The following FRAS1 variants were observed in gnomAD, a reference collection of about 807,000 sequenced individuals.
FRAS1 encodes Fraser extracellular matrix complex subunit 1, also known as extracellular matrix organizing protein FRAS1.
Under a neutral mutation model 435.2 loss-of-function variants are expected in FRAS1, and 290 were observed. That is an observed-to-expected ratio of 0.67 (90% CI 0.61 to 0.73). The LOEUF (loss-of-function observed/expected upper bound fraction) is 0.73, where lower values mean the gene tolerates loss of function less well. FRAS1 is among the 30% of genes least tolerant of loss of function. FRAS1 has a pLI of 0.00. For missense variants in FRAS1, 4,860 were observed against 5,001.5 expected (o/e 0.97, Z 0.85); for synonymous variants, 1,800 against 1,851.0 (o/e 0.97, Z 0.71).
rs775646884 is a variant in FRAS1, at chr4:78,315,755, A to G, written c.1819+21A>G. The G allele has an allele frequency of 6.8e-6, 11 of 1,613,262 alleles. No homozygotes were observed. In the East Asian group the frequency reaches 1.3e-4, roughly 20 times the overall value. On this transcript the variant is annotated intron_variant, in intron 16 of 73. Coordinates refer to ENST00000512123, the MANE Select transcript of FRAS1 (RefSeq NM_025074.7). ...CAAAGGTAAGAGATGGGTCACCATC[A>G]TCATCATCAAAAAGTATTGAGTACA...
rs1193037881 is a variant in FRAS1 at position 78,380,050 on chromosome 4, C to G, written c.3563+54C>G. ...TGCCTCCTTTCCATCATTGCTTTTC[C>G]ACTCCTCCACCCTGTCCCAGCCTCT... On this transcript the variant is annotated intron_variant, in intron 27 of 73. Coordinates refer to ENST00000512123, the MANE Select transcript of FRAS1 (RefSeq NM_025074.7). The G allele has an allele frequency of 3.8e-6, 6 of 1,579,982 alleles. No homozygotes were observed. In the East Asian group the frequency reaches 1.3e-4, roughly 35 times the overall value.
Position 78,128,634 on chromosome 4 carries a change from A to T in FRAS1, c.108+62618A>T, listed in dbSNP as rs902900753. 2.1e-3 allele frequency among the ~76,000 whole-genome samples: 320 copies of T among 152,070 alleles called. 4 individuals carry two copies. The highest frequency in any genetic ancestry group is 6.6e-4 in the Non-Finnish European group (45 of 67,970). On this transcript the variant is annotated intron_variant, in intron 2 of 73. Coordinates refer to ENST00000512123, the MANE Select transcript of FRAS1 (RefSeq NM_025074.7). ...TTTTCTTGTAAATTTGTTTGAGTTCATTGTAGATTCTGGATATTAGCCCTT... is the reference window on the plus strand; with the variant it reads ...TTTTCTTGTAAATTTGTTTGAGTTCTTTGTAGATTCTGGATATTAGCCCTT...
chr4:78,331,937 C>A (rs988825507), intron 18 of FRAS1, among the ~76,000 whole-genome samples: 5 of 152,120 alleles, frequency 3.3e-5, no homozygotes, highest in Non-Finnish European at 7.3e-5. Context: ...AGGGGCACCT[C>A]ATAGCATAAA....
intron 26 of FRAS1, among the ~76,000 whole-genome samples, chr4:78,377,839 A>AATGTAATGCTATAAAC (rs1731837804): frequency 5.9e-5 from 9 of 152,130 alleles, no homozygotes; most frequent in African/African-American, 2.2e-4. Context: ...ACCCAAGAAC[A>AATGTAATGCTATAAAC]TCCAAGTCAG....
intron 50 of FRAS1, among the ~76,000 whole-genome samples, chr4:78,466,879 AG>A (rs1274050730): frequency 6.6e-6 from 1 of 152,134 alleles, no homozygotes; most frequent in Non-Finnish European, 1.5e-5. Context: ...GAGAAATAGC[AG>A]TGGATAAGAG....
intron 49 of FRAS1, among the ~76,000 whole-genome samples, chr4:78,465,693 G>A (rs534085427): frequency 1.5e-5 from 2 of 133,884 alleles, no homozygotes; most frequent in South Asian, 4.7e-4. Flanking sequence ...GTCACAGAGG[G>A]CCATGCTGGC....
At position 78,413,061 on chromosome 4, in the gene FRAS1, T is replaced by C. The variant is rs1211445191; in HGVS notation, c.4401T>C (p.Ser1467=). The change falls in exon 32 of 74, where the codon TCT becomes TCC. Residue 1467 remains serine (S), a synonymous_variant. Coordinates refer to ENST00000512123, the MANE Select transcript of FRAS1 (RefSeq NM_025074.7). ...AGACACCTGAAGCACCTAAAGTGTC[T>C]CTGGAAGCATCTCTCCATATGACTG... ...LPQTPEAPKV[S]LEASLHMTAR... 2 of 1,608,334 alleles carry C rather than the reference T, an allele frequency of 1.2e-6. No homozygotes were observed. Among genetic ancestry groups the C allele is most frequent in the African/African-American group, 2.7e-5 (2 of 74,762 alleles).
At position 78,514,143 on chromosome 4, in the gene FRAS1, G is replaced by C. The variant is rs553096104; in HGVS notation, c.10174+591G>C. The stretch of plus-strand genomic sequence containing the variant: ...AAAAAGCCATCTCGGCCATGGCAGG[G>C]AGCTCTGGAGAGACTTGTCCTACTT... On this transcript the variant is annotated intron_variant, in intron 65 of 73. Coordinates refer to ENST00000512123, the MANE Select transcript of FRAS1 (RefSeq NM_025074.7). 8.6e-4 allele frequency among the ~76,000 whole-genome samples: 131 copies of C among 152,338 alleles called. 1 individual carries two copies. In the Middle Eastern group the frequency reaches 0.024, roughly 28 times the overall value.
Position 78,387,572 on chromosome 4 carries a change from T to A in FRAS1, c.3846T>A (p.Asp1282Glu). 6.2e-7 allele frequency: 1 copy of A among 1,613,826 alleles called. No homozygotes were observed. Among genetic ancestry groups the A allele is most frequent in the Non-Finnish European group, 8.5e-7 (1 of 1,179,814 alleles). ...PATPIYQFQL[D>E]ELSRGLLHYA... is the part of the protein sequence containing the mutation. Reference sequence around the variant, plus strand: ...CCCCTATCTATCAATTCCAGCTGGATGAACTCTCTAGAGGCCTTCTCCACT... The same window carrying A: ...CCCCTATCTATCAATTCCAGCTGGAAGAACTCTCTAGAGGCCTTCTCCACT... Residue 1282 changes from aspartate (D) to glutamate (E), a missense_variant, in exon 29 of 74, where the codon GAT becomes GAA. Transcript: ENST00000512123.
At chr4:78,119,155 A>G (rs1718864769) in intron 2 of FRAS1, among the ~76,000 whole-genome samples, 1 of 152,192 alleles carries the variant, frequency 6.6e-6, no homozygotes, top group South Asian at 2.1e-4. Context: ...TAGAATATCC[A>G]TCATCTTAAA....
chr4:78,226,693 A>T (rs1164951532), intron 2 of FRAS1, among the ~76,000 whole-genome samples: 1 of 152,072 alleles, frequency 6.6e-6, no homozygotes, highest in Non-Finnish European at 1.5e-5. Flanking sequence ...ATCAATATTC[A>T]TAGCAATTCT....
At position 78,184,593 on chromosome 4, in the gene FRAS1, T is replaced by C. The variant is rs79667553; in HGVS notation, c.109-52917T>C. On this transcript the variant is annotated intron_variant, in intron 2 of 73. Transcript: ENST00000512123. ...CTAAATTCTGACTAGTCCACATCTA[T>C]AGGACAGGCAGCCAGGAAGATTGTG... Among the ~76,000 whole-genome samples the C allele has an allele frequency of 1.0e-2, 1,518 of 152,258 alleles. 14 individuals are homozygous for C. The highest frequency in any genetic ancestry group is 0.014 in the Non-Finnish European group (975 of 68,016).
At chr4:78,132,313 G>C (rs1243511195) in intron 2 of FRAS1, among the ~76,000 whole-genome samples, 1 of 152,128 alleles carries the variant, frequency 6.6e-6, no homozygotes, top group East Asian at 1.9e-4. Flanking sequence ...CAAGGAATCA[G>C]GTCATTGTTT....
chr4:78,082,817 A>G (rs1191423178), intron 2 of FRAS1, among the ~76,000 whole-genome samples: 1 of 152,108 alleles, frequency 6.6e-6, no homozygotes, highest in Non-Finnish European at 1.5e-5. Flanking sequence ...TTTCTCGTCA[A>G]TTTGTTTAAA....
In FRAS1 at chr4:78,541,018, T is replaced by C. The variant is rs776556890; in HGVS notation, c.11933T>C (p.Ile3978Thr). ...RHYCTVRNVN[I>T]LSEPEAAYTF... ...TACTGCACTGTGCGGAACGTCAACA[T>C]CCTGAGTGAGCCTGAGGCGGCTTAC... The change falls in exon 74 of 74, where the codon ATC (isoleucine) becomes ACC (threonine). Residue 3978 changes from isoleucine to threonine, a missense_variant. Coordinates refer to ENST00000512123, the MANE Select transcript of FRAS1 (RefSeq NM_025074.7). 2.6e-6 allele frequency: 4 copies of C among 1,538,888 alleles called. 1 individual carries two copies. Among genetic ancestry groups the C allele is most frequent in the Non-Finnish European group, 3.5e-6 (4 of 1,138,340 alleles).
chr4:78,452,128 G>A (rs772791632), intron 46 of FRAS1, 47 bp from the exon 47 acceptor site: 1 of 1,579,420 alleles, frequency 6.3e-7, no homozygotes. Flanking sequence ...TTAAAGAAAG[G>A]AGGCTGAGAA....
intron 2 of FRAS1, among the ~76,000 whole-genome samples, chr4:78,128,627 T>G (rs1326862476): frequency 6.6e-6 from 1 of 152,202 alleles, no homozygotes; most frequent in Non-Finnish European, 1.5e-5. Context: ...TAAATTTGTT[T>G]GAGTTCATTG....
chr4:78,432,515 G>A lies in FRAS1; in HGVS notation c.5128G>A (p.Gly1710Arg), dbSNP rs997260986. ...RVEVSLSEDR[G>R]PRLAAGSSLS... Reference sequence around the variant, plus strand: ...AGAGGTGTCCCTGTCAGAAGACCGAGGGCCTCGACTGGCTGCTGGCTCCTC... The same window carrying A: ...AGAGGTGTCCCTGTCAGAAGACCGAAGGCCTCGACTGGCTGCTGGCTCCTC... Residue 1710 changes from glycine (G) to arginine (R), a missense_variant, in exon 38 of 74, where the codon GGG becomes AGG. Gly to Arg is a moderately radical substitution (Grantham distance 125, BLOSUM62 -2). Coordinates refer to ENST00000512123, the MANE Select transcript of FRAS1 (RefSeq NM_025074.7). 15 of 1,612,946 alleles carry A rather than the reference G, an allele frequency of 9.3e-6. No individual in the cohort carries two copies. The highest frequency in any genetic ancestry group is 1.3e-5 in the African/African-American group (1 of 74,914).
intron 2 of FRAS1, among the ~76,000 whole-genome samples, chr4:78,096,028 G>A (rs937983929): frequency 3.9e-5 from 6 of 152,208 alleles, no homozygotes; most frequent in African/African-American, 1.4e-4. Context: ...CTATGAGCCT[G>A]TAAAATCAAA....
Sources: allele counts gnomAD v4.1 joint callset (sites outside exome capture counted in the v4.1 genomes callset), GRCh38; gene constraint gnomAD v4.1.1; transcripts MANE v1.5; gene names NCBI Gene and HGNC (gene_info 2026-07-23, HGNC 2026-07-21).